NDFIP2: variants seen among roughly 807,000 people sequenced by gnomAD.
NDFIP2 encodes Nedd4 family interacting protein 2.
Under a neutral mutation model 36.0 loss-of-function variants are expected in NDFIP2, and 19 were observed. The ratio of observed to expected loss-of-function variants is 0.53; its 90% CI spans 0.37 to 0.77. The LOEUF (loss-of-function observed/expected upper bound fraction) is 0.77. Among genes scored for constraint, NDFIP2 ranks in the 30% least tolerant of loss-of-function variants. The pLI is 0.00. For synonymous variants in NDFIP2, 181 were observed against 167.7 expected (o/e 1.08, Z -0.61); for missense variants, 446 against 435.8 (o/e 1.02, Z -0.21).
chr13:79,513,701 AGTTT>A (rs942901729), intron 1 of NDFIP2, among the ~76,000 whole-genome samples: 4 of 149,316 alleles, frequency 2.7e-5, no homozygotes, highest in African/African-American at 4.9e-5. Context: ...CCTTTATGTT[AGTTT>A]TTTTCTCTTC....
At chr13:79,522,749 TG>T (rs1264416726) in intron 2 of NDFIP2, among the ~76,000 whole-genome samples, 1 of 152,236 alleles carries the variant, frequency 6.6e-6, no homozygotes, top group Non-Finnish European at 1.5e-5. Context: ...CCTCAGTAGA[TG>T]GTGGCTGGGT....
At chr13:79,523,102 C>T (rs532927551) in intron 2 of NDFIP2, among the ~76,000 whole-genome samples, 1 of 152,304 alleles carries the variant, frequency 6.6e-6, no homozygotes, top group South Asian at 2.1e-4. Context: ...AAAATTACAG[C>T]AAGCCCCCTT....
chr13:79,530,550 A>G lies in NDFIP2; in HGVS notation c.488-2773A>G, dbSNP rs938169348. On this transcript the variant is annotated intron_variant, in intron 2 of 7. Transcript: ENST00000218652. ...TTTACCCACACTAGGACTTCTTCCAAAACTGGAGTCAATTCTCTCAATCCC... is the reference window on the plus strand; with the variant it reads ...TTTACCCACACTAGGACTTCTTCCAGAACTGGAGTCAATTCTCTCAATCCC... Among the ~76,000 whole-genome samples the G allele has an allele frequency of 2.0e-5, 3 of 152,344 alleles. No homozygotes were observed. The East Asian group carries it at 5.8e-4, about 29-fold the overall frequency.
Position 79,520,875 on chromosome 13 carries a change from A to C in NDFIP2, c.387A>C (p.Ala129=), listed in dbSNP as rs1172705431. ...AIEQPPTSNP[A]PQIVQAASSA... is the part of the protein sequence containing the mutation. ...AGCAGCCACCTACTTCAAACCCAGC[A>C]CCGCAGATTGTGCAGGCTGCGTCTT... The change falls in exon 2 of 8, where the codon GCA becomes GCC. Residue 129 remains alanine (A), a synonymous_variant. Transcript: ENST00000218652. 2 of 1,613,860 alleles carry C rather than the reference A, an allele frequency of 1.2e-6. No individual in the cohort carries two copies. Among genetic ancestry groups the C allele is most frequent in the African/African-American group, 2.7e-5 (2 of 74,928 alleles).
At chr13:79,546,935 C>G (rs1254044806) in intron 5 of NDFIP2, among the ~76,000 whole-genome samples, 4 of 151,982 alleles carry the variant, frequency 2.6e-5, no homozygotes, top group Non-Finnish European at 5.9e-5. Flanking sequence ...TGTATCTTTT[C>G]AATTTCAAGT....
In NDFIP2 at chr13:79,509,089, G is replaced by C. The variant is rs544580735; in HGVS notation, c.322-11721G>C. 5.9e-5 allele frequency among the ~76,000 whole-genome samples: 9 copies of C among 152,036 alleles called. No homozygotes were observed. The South Asian group carries it at 1.9e-3, about 32-fold the overall frequency. On this transcript the variant is annotated intron_variant, in intron 1 of 7. Transcript: ENST00000218652. ...GTAACCCAAAAAGTATCTGAAACAG[G>C]TCTCAATTAATTTAGGAATTTATTT...
At chr13:79,482,746 C>G (rs1285764203) in intron 1 of NDFIP2, among the ~76,000 whole-genome samples, 5 of 152,154 alleles carry the variant, frequency 3.3e-5, no homozygotes, top group African/African-American at 1.2e-4. Context: ...GCTCATGAGG[C>G]TTCCATTTTC....
At chr13:79,521,072 A>C (rs1031408699) in intron 2 of NDFIP2, 97 bp downstream of exon 2, 47 of 996,914 alleles carry the variant, frequency 4.7e-5, no homozygotes, top group Non-Finnish European at 7.3e-6. Context: ...TTATAAACAT[A>C]TATACACATG....
chr13:79,543,447 TAAAA>T, intron 4 of NDFIP2, 107 bp from the exon 5 acceptor site: 14 of 1,387,372 alleles, frequency 1.0e-5, no homozygotes, highest in South Asian at 2.7e-5. Flanking sequence ...TTGGCAGAGT[TAAAA>T]GAAAGGGAGC....
intron 7 of NDFIP2, among the ~76,000 whole-genome samples, chr13:79,551,471 A>C (rs890883166): frequency 6.6e-6 from 1 of 151,540 alleles, no homozygotes; most frequent in Non-Finnish European, 1.5e-5. Context: ...AAAATATGAC[A>C]TAGTACTTAG....
chr13:79,500,507 G>A (rs1189083568), intron 1 of NDFIP2, among the ~76,000 whole-genome samples: 2 of 151,760 alleles, frequency 1.3e-5, no homozygotes, highest in African/African-American at 4.8e-5. Context: ...CTATTAAACA[G>A]GACAAAAACC....
At chr13:79,522,304 G>A (rs1331171842) in intron 2 of NDFIP2, among the ~76,000 whole-genome samples, 2 of 151,996 alleles carry the variant, frequency 1.3e-5, no homozygotes, top group South Asian at 2.1e-4. Context: ...TATTTTACAA[G>A]TTTTCACAAT....
intron 2 of NDFIP2, among the ~76,000 whole-genome samples, chr13:79,523,207 G>A (rs766598080): frequency 3.9e-5 from 6 of 152,002 alleles, no homozygotes; most frequent in Non-Finnish European, 7.4e-5. Context: ...TATACATACT[G>A]TTGTTTGTTT....
chr13:79,528,704 A>C (rs1874894138), intron 2 of NDFIP2, among the ~76,000 whole-genome samples: 1 of 152,142 alleles, frequency 6.6e-6, no homozygotes, highest in Non-Finnish European at 1.5e-5. Flanking sequence ...GATACTTAAC[A>C]TTGTGTTGCA....
chr13:79,510,543 C>T (rs1874047283), intron 1 of NDFIP2, among the ~76,000 whole-genome samples: 1 of 152,010 alleles, frequency 6.6e-6, no homozygotes, highest in South Asian at 2.1e-4. Context: ...AGGGGAGAAC[C>T]ACAGAGTGAT....
chr13:79,529,955 C>T (rs1380722629), intron 2 of NDFIP2, among the ~76,000 whole-genome samples: 2 of 152,160 alleles, frequency 1.3e-5, no homozygotes, highest in Non-Finnish European at 2.9e-5. Context: ...ACGCTATACT[C>T]TTAAGGGTGC....
At chr13:79,509,688 T>G (rs61969023) in intron 1 of NDFIP2, among the ~76,000 whole-genome samples, 35,261 of 140,048 alleles carry the variant, frequency 0.25, 4,997 homozygotes, top group Non-Finnish European at 0.32. Flanking sequence ...TATATATATA[T>G]ATAGAGAGAG....
intron 1 of NDFIP2, among the ~76,000 whole-genome samples, chr13:79,501,524 A>T (rs1657459548): frequency 6.6e-6 from 1 of 152,032 alleles, no homozygotes; most frequent in South Asian, 2.1e-4. Context: ...GGGATACATG[A>T]TTGCTAACTT....
intron 2 of NDFIP2, among the ~76,000 whole-genome samples, chr13:79,524,557 GTCAAAGTAAAACCTTGACATTT>G (rs1439026604): frequency 6.6e-6 from 1 of 152,178 alleles, no homozygotes; most frequent in Admixed American, 6.5e-5. Context: ...ATATTTGCAG[GTCAAAGTAAAACCTTGACATTT>G]TCATTTTCAT....
Sources: allele counts gnomAD v4.1 joint callset (sites outside exome capture counted in the v4.1 genomes callset), GRCh38; gene constraint gnomAD v4.1.1; transcripts MANE v1.5; gene names NCBI Gene and HGNC (gene_info 2026-07-23, HGNC 2026-07-21).